Variants in NRAP observed in about 807,000 individuals in gnomAD.
NRAP encodes the protein nebulin related anchoring protein, also known as nebulin-related-anchoring protein.
A neutral mutation model predicts 225.9 loss-of-function variants in NRAP; 189 were observed. That is an observed-to-expected ratio of 0.84 (90% CI 0.74 to 0.94). The LOEUF is 0.94. Ranked by LOEUF, NRAP falls within the 40% of genes least tolerant of loss-of-function variation. The pLI is 0.00. For synonymous variants in NRAP, 769 were observed against 790.7 expected (o/e 0.97, Z 0.46); for missense variants, 2,176 against 2,168.7 (o/e 1.00, Z -0.07).
intron 21 of NRAP, among the ~76,000 whole-genome samples, chr10:113,625,743 C>A (rs1848254054): frequency 6.6e-6 from 1 of 152,054 alleles, no homozygotes; most frequent in Admixed American, 6.6e-5. Context: ...GAATTAGAGT[C>A]TTTGATGAGA....
At chr10:113,632,932 G>A (rs1848654269) in intron 16 of NRAP, 152 bp downstream of exon 16, 8 of 632,120 alleles carry the variant, frequency 1.3e-5, no homozygotes, top group African/African-American at 1.8e-5. Context: ...AACGTGCCAT[G>A]ACATAGCAAA....
rs181024055 is a variant in NRAP, at chr10:113,595,726, C to A, written c.4433G>T (p.Arg1478Leu). Residue 1478 changes from arginine (R) to leucine (L), a missense_variant and splice_region_variant, in exon 38 of 42, where the codon CGC becomes CTC. Coordinates refer to ENST00000359988, the MANE Select transcript of NRAP (RefSeq NM_198060.4). ...AKNSYMHCNE[R>L]MYRSGDAESL... Reference sequence around the variant, plus strand: ...TTCTGCATCTCCAGATCTATACATGCGCTGTAGATAAGATGGGCTCATGGT... The same window carrying A: ...TTCTGCATCTCCAGATCTATACATGAGCTGTAGATAAGATGGGCTCATGGT... 6.3e-7 allele frequency: 1 copy of A among 1,595,180 alleles called. No homozygotes were observed. Among genetic ancestry groups the A allele is most frequent in the Non-Finnish European group, 8.6e-7 (1 of 1,162,964 alleles).
intron 9 of NRAP, among the ~76,000 whole-genome samples, chr10:113,648,463 CTCTCTA>C (rs1196123293): frequency 4.2e-4 from 50 of 119,834 alleles, no homozygotes; most frequent in African/African-American, 1.3e-3. Context: ...CTCTCTCTCT[CTCTCTA>C]TATATATATA....
At chr10:113,606,133 C>T (rs748773209) in intron 33 of NRAP, 45 bp downstream of exon 33, 5 of 1,379,772 alleles carry the variant, frequency 3.6e-6, no homozygotes, top group Non-Finnish European at 5.2e-6. Flanking sequence ...TGTAGACATA[C>T]ATGGCTTTGG....
In NRAP at chr10:113,589,076, C is replaced by G. The variant is rs150551078; in HGVS notation, c.5092G>C (p.Gly1698Arg). The G allele has an allele frequency of 2.1e-5, 34 of 1,613,578 alleles. No homozygotes were observed. The highest frequency in any genetic ancestry group is 1.3e-4 in the South Asian group (12 of 91,026). Residue 1698 changes from glycine (G) to arginine (R), a missense_variant, in exon 42 of 42, where the codon GGG becomes CGG. Around this residue, in one of 3 missense-constraint regions of NRAP, gnomAD observed 445 missense variants for 426.1 expected, o/e 1.04. Transcript: ENST00000359988. ...RGLGLQGAYR[G>R]AEAVEAGDHQ... ...TCTCCAGCCTCCACTGCTTCTGCCC[C>G]CCGCTGCTGAAATCAAACATACCCC...
chr10:113,614,871 C>T lies in NRAP; in HGVS notation c.3154G>A (p.Ala1052Thr), dbSNP rs1440215724. ...KLRLDALPFQAAKASGEIISD... is the reference protein window; with the variant it reads ...KLRLDALPFQTAKASGEIISD... ...ATGATTTCACCAGAAGCCTTTGCTG[C>T]TTGGAATGGAAGGGCATCCAACCTC... The change falls in exon 28 of 42, where the codon GCA (alanine) becomes ACA (threonine). Residue 1052 changes from alanine (A) to threonine (T), a missense_variant. By Grantham distance (58) the Ala-to-Thr change is moderately conservative. Coordinates refer to ENST00000359988, the MANE Select transcript of NRAP (RefSeq NM_198060.4). The T allele has an allele frequency of 9.9e-6, 16 of 1,611,818 alleles. No homozygotes were observed. Among genetic ancestry groups the T allele is most frequent in the African/African-American group, 1.3e-5 (1 of 74,862 alleles).
intron 32 of NRAP, among the ~76,000 whole-genome samples, 188 bp from the exon 33 acceptor site, chr10:113,606,470 G>A (rs1363386411): frequency 2.0e-5 from 3 of 152,308 alleles, no homozygotes; most frequent in African/African-American, 7.2e-5. Context: ...GAGTCAAATC[G>A]AGTGATGTAA....
chr10:113,640,280 C>A lies in NRAP; in HGVS notation c.1375G>T (p.Ala459Ser), dbSNP rs373714718. 1 of 1,604,066 alleles carries A rather than the reference C, an allele frequency of 6.2e-7. No individual in the cohort carries two copies. The highest frequency in any genetic ancestry group is 1.7e-4 in the Middle Eastern group (1 of 6,038). ...GTTTGATAGGAAGGCGTGAGAGTGG[C>A]TGGGTAGTTGTAGTCGACAATATCA... ...KHDIVDYNYPATLTPSYQTAM... is the reference protein window; with the variant it reads ...KHDIVDYNYPSTLTPSYQTAM... The change falls in exon 14 of 42, where the codon GCC becomes TCC. Residue 459 changes from alanine to serine, a missense_variant. Physicochemically the swap from Ala to Ser is moderately conservative, Grantham distance 99. Coordinates refer to ENST00000359988, the MANE Select transcript of NRAP (RefSeq NM_198060.4).
At chr10:113,589,858 TAAGTA>T (rs1289092788) in intron 40 of NRAP, 61 bp from the exon 41 acceptor site, 6 of 1,570,346 alleles carry the variant, frequency 3.8e-6, no homozygotes, top group Middle Eastern at 1.7e-4. Flanking sequence ...GTTTGACCAT[TAAGTA>T]AAGAAGATTA....
intron 4 of NRAP, among the ~76,000 whole-genome samples, chr10:113,655,703 G>T (rs565017412): frequency 6.6e-6 from 1 of 152,232 alleles, no homozygotes; most frequent in South Asian, 2.1e-4. Context: ...ACCCACCTTG[G>T]CCTCCCAAAG....
intron 35 of NRAP, among the ~76,000 whole-genome samples, chr10:113,599,051 GA>G (rs1265996462): frequency 6.6e-6 from 1 of 152,178 alleles, no homozygotes; most frequent in African/African-American, 2.4e-5. Context: ...TTTAAAGGTG[GA>G]AAAAGCCTCT....
intron 3 of NRAP, among the ~76,000 whole-genome samples, chr10:113,659,647 G>A (rs997635013): frequency 3.3e-5 from 5 of 152,058 alleles, no homozygotes; most frequent in Admixed American, 1.3e-4. Context: ...GCTAAATTTC[G>A]TTCTCTGAAT....
intron 7 of NRAP, 146 bp from the exon 8 acceptor site, chr10:113,650,691 G>A: frequency 1.5e-6 from 1 of 651,350 alleles, no homozygotes; most frequent in East Asian, 2.7e-5. Context: ...GATGGGCCAT[G>A]TGCATCTTAT....
intron 4 of NRAP, among the ~76,000 whole-genome samples, chr10:113,656,037 G>A (rs1249175843): frequency 1.5e-5 from 2 of 134,084 alleles, no homozygotes; most frequent in African/African-American, 6.3e-5. Flanking sequence ...GGGGGAGGTC[G>A]AACATGTCTC....
intron 4 of NRAP, 102 bp from the exon 5 acceptor site, chr10:113,654,227 C>T (rs1349693524): frequency 7.1e-6 from 5 of 700,584 alleles, no homozygotes; most frequent in South Asian, 1.9e-5. Flanking sequence ...TTATAAACTC[C>T]TATTGGTAAA....
chr10:113,656,826 G>C (rs1199176258), intron 4 of NRAP, among the ~76,000 whole-genome samples: 1 of 152,224 alleles, frequency 6.6e-6, no homozygotes, highest in African/African-American at 2.4e-5. Context: ...CAAGATTGAC[G>C]AGAGTGGGTA....
At chr10:113,623,508 A>G (rs970959045) in intron 23 of NRAP, 21 bp downstream of exon 23, 2 of 1,539,442 alleles carry the variant, frequency 1.3e-6, no homozygotes, top group African/African-American at 2.7e-5. Flanking sequence ...GGTCTCTTGT[A>G]CAAGGTGGGG....
chr10:113,628,860 C>T, intron 20 of NRAP, 57 bp downstream of exon 20: 1 of 915,498 alleles, frequency 1.1e-6, no homozygotes. Context: ...CAAAGATCAC[C>T]CTGCATGTGT....
At chr10:113,658,881 C>CAAAA (rs57340533) in intron 3 of NRAP, among the ~76,000 whole-genome samples, 15 of 77,790 alleles carry the variant, frequency 1.9e-4, no homozygotes, top group East Asian at 5.1e-4. Context: ...GACCCTGTCT[C>CAAAA]AAAAAAAAAA....
Sources: allele counts gnomAD v4.1 joint callset (sites outside exome capture counted in the v4.1 genomes callset), GRCh38; gene constraint gnomAD v4.1.1; regional missense constraint gnomAD v4.1.1; transcripts MANE v1.5; gene names NCBI Gene and HGNC (gene_info 2026-07-23, HGNC 2026-07-21).